Variants in IMPG1 observed in about 807,000 individuals in gnomAD.
IMPG1 encodes interphotoreceptor matrix proteoglycan 1.
A neutral mutation model predicts 92.0 loss-of-function variants in IMPG1; 85 were observed. The ratio of observed to expected loss-of-function variants is 0.92; its 90% CI spans 0.78 to 1.11. The LOEUF (loss-of-function observed/expected upper bound fraction) is 1.11, where lower values mean the gene tolerates loss of function less well. IMPG1 is among the 50% of genes least tolerant of loss of function. IMPG1 has a pLI of 0.00. For synonymous variants in IMPG1, 367 were observed against 334.1 expected (o/e 1.10, Z -1.08); for missense variants, 1,022 against 956.0 (o/e 1.07, Z -0.91).
At chr6:75,997,788 A>C (rs1463555587) in intron 12 of IMPG1, among the ~76,000 whole-genome samples, 1 of 152,170 alleles carries the variant, frequency 6.6e-6, no homozygotes, top group African/African-American at 2.4e-5. Flanking sequence ...GAATAAGAAC[A>C]TATCTTTTTA....
At chr6:76,068,215 G>T (rs1016122935) in intron 1 of IMPG1, among the ~76,000 whole-genome samples, 2 of 151,836 alleles carry the variant, frequency 1.3e-5, no homozygotes, top group African/African-American at 2.4e-5. Context: ...AAGAAATAAA[G>T]TATTCCAAAT....
chr6:76,004,032 A>T, intron 10 of IMPG1, 82 bp from the exon 11 acceptor site: 1 of 1,000,868 alleles, frequency 1.0e-6, no homozygotes, highest in Non-Finnish European at 1.5e-6. Context: ...CCAGGTTGAA[A>T]TATGCGGAAT....
intron 14 of IMPG1, among the ~76,000 whole-genome samples, chr6:75,941,434 C>T (rs1027589610): frequency 5.9e-5 from 9 of 152,158 alleles, no homozygotes; most frequent in African/African-American, 2.2e-4. Flanking sequence ...TCAATCTGAC[C>T]AGCTGCCTGC....
Position 75,950,583 on chromosome 6 carries a change from C to T in IMPG1, c.1803G>A (p.Leu601=). 6.2e-7 allele frequency: 1 copy of T among 1,610,386 alleles called. No individual in the cohort carries two copies. Among genetic ancestry groups the T allele is most frequent in the Non-Finnish European group, 8.5e-7 (1 of 1,178,104 alleles). The stretch of plus-strand genomic sequence containing the variant: ...TCACCAGCTGTGTGAATTGTTGCTC[C>T]AGAGCTCGGTACTCCAGAGAGCTCT... ...FNKSSLEYRA[L]EQQFTQLLVP... is the part of the protein sequence containing the mutation. The change falls in exon 13 of 17, where the codon CTG becomes CTA. Residue 601 remains leucine (L), a synonymous_variant. Transcript: ENST00000369950.
chr6:76,055,079 C>A (rs530688232), intron 1 of IMPG1, among the ~76,000 whole-genome samples: 1 of 151,938 alleles, frequency 6.6e-6, no homozygotes, highest in African/African-American at 2.4e-5. Flanking sequence ...ACCTAATGGA[C>A]ATGTATGAGG....
intron 4 of IMPG1, among the ~76,000 whole-genome samples, chr6:76,029,490 T>C (rs1283604388): frequency 1.3e-5 from 2 of 152,248 alleles, no homozygotes; most frequent in Non-Finnish European, 2.9e-5. Flanking sequence ...TCAAAACTTA[T>C]CATACATTTG....
chr6:76,041,678 T>C (rs935426084), intron 2 of IMPG1, among the ~76,000 whole-genome samples: 1 of 152,250 alleles, frequency 6.6e-6, no homozygotes, highest in Non-Finnish European at 1.5e-5. Flanking sequence ...GGTTCTATGC[T>C]GCACAAGATA....
chr6:75,974,866 G>T (rs1365014111), intron 12 of IMPG1, among the ~76,000 whole-genome samples: 1 of 152,170 alleles, frequency 6.6e-6, no homozygotes, highest in Non-Finnish European at 1.5e-5. Context: ...GAAAATAAAG[G>T]TTGATTTAAA....
chr6:75,971,632 C>T (rs1407456378), intron 12 of IMPG1, among the ~76,000 whole-genome samples: 1 of 152,106 alleles, frequency 6.6e-6, no homozygotes, highest in Non-Finnish European at 1.5e-5. Context: ...ATATACTTTA[C>T]AAATCACATG....
At chr6:75,998,045 C>G (rs1782929575) in intron 12 of IMPG1, among the ~76,000 whole-genome samples, 1 of 151,946 alleles carries the variant, frequency 6.6e-6, no homozygotes. Context: ...ATTACAGGCA[C>G]AAGAAAAAAT....
chr6:75,979,269 G>C (rs1000219199), intron 12 of IMPG1, among the ~76,000 whole-genome samples: 1 of 152,142 alleles, frequency 6.6e-6, no homozygotes, highest in African/African-American at 2.4e-5. Flanking sequence ...CAATAAGGCT[G>C]ACATTGGAGC....
At chr6:75,950,525 GA>G in intron 13 of IMPG1, 36 bp downstream of exon 13, 1 of 1,507,614 alleles carries the variant, frequency 6.6e-7, no homozygotes, top group Non-Finnish European at 8.9e-7. Flanking sequence ...AGAAAGAAGA[GA>G]CAAAGAATTG....
chr6:76,031,107 G>A (rs1783646401), intron 4 of IMPG1, among the ~76,000 whole-genome samples: 1 of 152,106 alleles, frequency 6.6e-6, no homozygotes, highest in Non-Finnish European at 1.5e-5. Context: ...TCATGGCTGT[G>A]GGACGGACAA....
intron 12 of IMPG1, among the ~76,000 whole-genome samples, chr6:75,996,488 A>ATC (rs1431309344): frequency 3.3e-5 from 5 of 152,190 alleles, no homozygotes; most frequent in Non-Finnish European, 7.3e-5. Context: ...GAAACAGGTG[A>ATC]TCTCTGTTCA....
chr6:75,923,920 G>A (rs778423141), intron 15 of IMPG1, among the ~76,000 whole-genome samples: 1 of 152,038 alleles, frequency 6.6e-6, no homozygotes, highest in African/African-American at 2.4e-5. Flanking sequence ...CTTAGGCAGT[G>A]GTCTCAGAAG....
chr6:75,995,787 G>A (rs1051722277), intron 12 of IMPG1, among the ~76,000 whole-genome samples: 1 of 152,128 alleles, frequency 6.6e-6, no homozygotes, highest in Non-Finnish European at 1.5e-5. Context: ...GGTTGTATTG[G>A]TTTCCTTCTT....
Position 76,033,770 on chromosome 6 carries a change from CTCT to C in IMPG1, c.497+542_497+544del, listed in dbSNP as rs148221442. Among the ~76,000 whole-genome samples the C allele has an allele frequency of 6.5e-3, 987 of 152,296 alleles. 9 individuals are homozygous for C. The highest frequency in any genetic ancestry group is 0.023 in the African/African-American group (954 of 41,574). On this transcript the variant is annotated intron_variant, in intron 4 of 16. Coordinates refer to ENST00000369950, the MANE Select transcript of IMPG1 (RefSeq NM_001563.4). ...GTGAGTTTAGAGTTTGACAACATCT[CTCT>C]TCTTTAATCATTTAATCTAATGAAG...
At chr6:75,952,139 A>T (rs1782043907) in intron 12 of IMPG1, among the ~76,000 whole-genome samples, 1 of 152,238 alleles carries the variant, frequency 6.6e-6, no homozygotes, top group Non-Finnish European at 1.5e-5. Context: ...GAACTTTCAG[A>T]TAAACAGATT....
intron 1 of IMPG1, among the ~76,000 whole-genome samples, chr6:76,060,995 A>G (rs758662168): frequency 5.3e-5 from 8 of 152,188 alleles, no homozygotes; most frequent in Non-Finnish European, 8.8e-5. Flanking sequence ...CACCAAAGGT[A>G]TAGAGAATCT....
Sources: allele counts gnomAD v4.1 joint callset (sites outside exome capture counted in the v4.1 genomes callset), GRCh38; gene constraint gnomAD v4.1.1; transcripts MANE v1.5; gene names NCBI Gene and HGNC (gene_info 2026-07-23, HGNC 2026-07-21).